The following TCEA1 variants were observed in gnomAD, a reference collection of about 807,000 sequenced individuals.
The protein encoded by TCEA1 is transcription elongation factor A protein 1.
In TCEA1, 21 loss-of-function variants were observed where a neutral mutation model predicts 43.8. The ratio of observed to expected loss-of-function variants is 0.48; its 90% CI spans 0.34 to 0.69. The LOEUF is 0.69. TCEA1 is among the 30% of genes least tolerant of loss of function. The probability of loss-of-function intolerance (pLI) is 0.01; values close to 1 mark genes in which losing one functional copy is unlikely to be tolerated. For missense variants in TCEA1, 250 were observed against 365.1 expected, an observed-to-expected ratio of 0.68 and a Z score of 2.57; for synonymous variants, 104 against 117.5, an observed-to-expected ratio of 0.88 and a Z score of 0.75.
intron 8 of TCEA1, among the ~76,000 whole-genome samples, chr8:53,977,886 C>G (rs1045466202): frequency 1.3e-5 from 2 of 151,968 alleles, no homozygotes; most frequent in African/African-American, 4.8e-5. Flanking sequence ...TGTGGAGGAG[C>G]GTGAAGAACT....
chr8:53,981,157 A>C (rs1297595490), intron 7 of TCEA1, among the ~76,000 whole-genome samples: 1 of 152,238 alleles, frequency 6.6e-6, no homozygotes, highest in African/African-American at 2.4e-5. Context: ...AGCTGTCTCC[A>C]TAACATAGTA....
chr8:54,014,431 G>T (rs540037429), intron 1 of TCEA1, among the ~76,000 whole-genome samples: 1 of 152,136 alleles, frequency 6.6e-6, no homozygotes, highest in Non-Finnish European at 1.5e-5. Context: ...ATAACAGAAT[G>T]AGATCCCACC....
chr8:54,000,151 T>C (rs1804210696), intron 2 of TCEA1, 101 bp from the exon 3 acceptor site: 2 of 793,086 alleles, frequency 2.5e-6, no homozygotes, highest in Admixed American at 3.2e-5. Context: ...GTTTCTATTT[T>C]AGAATTTCAA....
intron 1 of TCEA1, among the ~76,000 whole-genome samples, chr8:54,017,928 A>G (rs547432578): frequency 2.0e-5 from 3 of 152,310 alleles, no homozygotes; most frequent in East Asian, 1.9e-4. Flanking sequence ...TACTACTACA[A>G]AAGTTATACT....
At chr8:54,019,762 G>GT (rs1259352349) in intron 1 of TCEA1, among the ~76,000 whole-genome samples, 1 of 152,090 alleles carries the variant, frequency 6.6e-6, no homozygotes, top group African/African-American at 2.4e-5. Flanking sequence ...AAAGAGGAGT[G>GT]TCATTCTGAC....
At chr8:53,970,305 T>TAGATATCTAAATATATAC in intron 9 of TCEA1, 87 bp downstream of exon 9, 1 of 879,854 alleles carries the variant, frequency 1.1e-6, no homozygotes. Flanking sequence ...TGTATATATT[T>TAGATATCTAAATATATAC]AGATATCTAG....
chr8:53,977,322 A>C (rs1318145493), intron 8 of TCEA1, among the ~76,000 whole-genome samples: 2 of 152,222 alleles, frequency 1.3e-5, no homozygotes, highest in African/African-American at 4.8e-5. Flanking sequence ...TCTGTCTCAA[A>C]GAAAAAGGAA....
chr8:53,967,495 T>G lies in TCEA1; in HGVS notation c.*609A>C, dbSNP rs1472602743. On this transcript the variant is annotated 3_prime_UTR_variant, in exon 10 of 10. Coordinates refer to ENST00000521604, the MANE Select transcript of TCEA1 (RefSeq NM_006756.4). ...CAAGTAATATACATGTACAAGAAAT[T>G]ACAAGAAATGATGATCACGGTTAGT... 3 of 200,082 alleles carry G rather than the reference T, an allele frequency of 1.5e-5. No individual in the cohort carries two copies. Among genetic ancestry groups the G allele is most frequent in the Non-Finnish European group, 2.1e-5 (2 of 97,238 alleles). The allele number at this position is 200,082 out of a possible 1,614,324, so 12.4% of individuals were successfully genotyped here. A position where few individuals can be genotyped will look rare whatever the true frequency, so the allele number is the denominator to read the frequency against.
At chr8:53,989,955 G>A (rs1050853813) in intron 4 of TCEA1, among the ~76,000 whole-genome samples, 5 of 151,940 alleles carry the variant, frequency 3.3e-5, no homozygotes, top group Non-Finnish European at 7.4e-5. Context: ...ATATTTTTTG[G>A]CCGGGCAAGC....
chr8:53,989,864 G>A (rs1287760852), intron 4 of TCEA1, among the ~76,000 whole-genome samples: 1 of 152,018 alleles, frequency 6.6e-6, no homozygotes, highest in African/African-American at 2.4e-5. Context: ...TGAACTCCTG[G>A]GCTCAAGCAA....
At chr8:54,015,450 G>T (rs1401572568) in intron 1 of TCEA1, among the ~76,000 whole-genome samples, 1 of 152,092 alleles carries the variant, frequency 6.6e-6, no homozygotes, top group Non-Finnish European at 1.5e-5. Context: ...TTACAGGTGT[G>T]ACCCACCATG....
chr8:53,983,898 G>A (rs1222854069), intron 7 of TCEA1, among the ~76,000 whole-genome samples: 2 of 152,142 alleles, frequency 1.3e-5, no homozygotes, highest in African/African-American at 2.4e-5. Context: ...TTGGGAGTTC[G>A]AGACCAGCCT....
chr8:53,991,423 G>A (rs1342870320), intron 4 of TCEA1, among the ~76,000 whole-genome samples: 11 of 149,092 alleles, frequency 7.4e-5, no homozygotes, highest in Middle Eastern at 3.5e-3. Context: ...GGCTGGGCGC[G>A]GTGGCTCAGG....
intron 4 of TCEA1, among the ~76,000 whole-genome samples, chr8:53,990,414 G>A (rs977585038): frequency 1.3e-5 from 2 of 149,770 alleles, no homozygotes; most frequent in Non-Finnish European, 3.0e-5. Context: ...CCAGACTGGA[G>A]TGCAGTGAAA....
intron 1 of TCEA1, among the ~76,000 whole-genome samples, chr8:54,013,795 CT>C (rs1804735013): frequency 6.6e-6 from 1 of 150,790 alleles, no homozygotes; most frequent in Non-Finnish European, 1.5e-5. Context: ...TGACAACAAA[CT>C]TTGAGTGCTG....
At chr8:53,995,188 C>G (rs1804012125) in intron 3 of TCEA1, among the ~76,000 whole-genome samples, 1 of 150,082 alleles carries the variant, frequency 6.7e-6, no homozygotes. Context: ...GCAATCCCAG[C>G]TAACGCTGAG....
chr8:53,993,007 C>G (rs1015214510), intron 4 of TCEA1, among the ~76,000 whole-genome samples: 5 of 149,428 alleles, frequency 3.3e-5, no homozygotes, highest in Admixed American at 6.7e-5. Context: ...GGCTGGAGTG[C>G]AGTGGCATGA....
At chr8:53,988,619 G>A (rs569851952) in intron 4 of TCEA1, among the ~76,000 whole-genome samples, 2 of 152,272 alleles carry the variant, frequency 1.3e-5, no homozygotes, top group African/African-American at 4.8e-5. Context: ...ACCAGAGAAT[G>A]ACAGCTTTCT....
intron 2 of TCEA1, among the ~76,000 whole-genome samples, chr8:54,007,872 G>A (rs2129311624): frequency 6.6e-6 from 1 of 152,184 alleles, no homozygotes; most frequent in Middle Eastern, 3.4e-3. Context: ...TTTTATCAAA[G>A]TTTTATTTTT....
Sources: gnomAD v4.1 joint callset for allele counts (sites outside exome capture counted in the v4.1 genomes callset) on GRCh38, gnomAD v4.1.1 for gene constraint, MANE v1.5 for transcripts, NCBI Gene and HGNC (gene_info 2026-07-23, HGNC 2026-07-21) for gene names.